GAP43: variants seen among roughly 807,000 people sequenced by gnomAD.
GAP43 encodes neuromodulin.
In GAP43, 6 loss-of-function variants were observed where a neutral mutation model predicts 18.6. That is an observed-to-expected ratio of 0.32 (90% CI 0.18 to 0.64). The LOEUF is 0.64. Among genes scored for constraint, GAP43 ranks in the 30% least tolerant of loss-of-function variants. The pLI, the probability that GAP43 is intolerant of heterozygous loss-of-function variation, is 0.78. For synonymous variants in GAP43, 115 were observed against 111.4 expected (o/e 1.03, Z -0.20); for missense variants, 292 against 295.5 (o/e 0.99, Z 0.09).
chr3:115,711,493 A>C (rs1709437393), intron 2 of GAP43, among the ~76,000 whole-genome samples: 2 of 104,740 alleles, frequency 1.9e-5, no homozygotes, highest in South Asian at 6.0e-4. Context: ...TAAGTTCTAA[A>C]TACACACACA....
Position 115,665,512 on chromosome 3 carries a change from G to A in GAP43, c.31-10501G>A, listed in dbSNP as rs78602262. On this transcript the variant is annotated intron_variant, in intron 1 of 2. Transcript: ENST00000305124. ...TTAAAGGGGATGGCACACTTGCTTA[G>A]CCTTCTTCATTATCATTCTCAGAGG... is the stretch of plus-strand genomic sequence containing the variant. Among the ~76,000 whole-genome samples, 82 of 152,154 alleles carry A rather than the reference G, an allele frequency of 5.4e-4. No individual in the cohort carries two copies. The East Asian group carries it at 0.015, about 28-fold the overall frequency.
intron 2 of GAP43, among the ~76,000 whole-genome samples, chr3:115,697,983 G>C (rs1242686055): frequency 1.4e-3 from 4 of 2,780 alleles, no homozygotes; most frequent in African/African-American, 1.8e-3. Context: ...GAGTACATGT[G>C]CGTGTGTGTG....
At chr3:115,684,708 A>C (rs1055539587) in intron 2 of GAP43, among the ~76,000 whole-genome samples, 7 of 152,206 alleles carry the variant, frequency 4.6e-5, no homozygotes, top group Admixed American at 2.0e-4. Flanking sequence ...TTGTGAACCT[A>C]CAGTGGGTTG....
intron 1 of GAP43, among the ~76,000 whole-genome samples, chr3:115,669,801 A>C (rs1173829729): frequency 2.0e-5 from 3 of 151,908 alleles, no homozygotes; most frequent in Non-Finnish European, 4.4e-5. Context: ...AGTTAACATT[A>C]CTACTGCAGT....
intron 2 of GAP43, among the ~76,000 whole-genome samples, chr3:115,705,820 G>A (rs1039508452): frequency 9.2e-5 from 14 of 152,208 alleles, no homozygotes; most frequent in African/African-American, 3.4e-4. Context: ...AATACACGAG[G>A]TATAATTTTT....
chr3:115,697,882 T>G (rs1273217954), intron 2 of GAP43, among the ~76,000 whole-genome samples: 1 of 149,764 alleles, frequency 6.7e-6, no homozygotes, highest in Non-Finnish European at 1.5e-5. Context: ...TATGTTAAAT[T>G]TGCTTACATA....
intron 2 of GAP43, among the ~76,000 whole-genome samples, chr3:115,718,269 C>G (rs1179378559): frequency 6.6e-6 from 1 of 152,150 alleles, no homozygotes; most frequent in African/African-American, 2.4e-5. Flanking sequence ...CTTCTTGGAA[C>G]TGATAAGGAT....
chr3:115,657,699 C>T (rs1009339021), intron 1 of GAP43, among the ~76,000 whole-genome samples: 14 of 151,932 alleles, frequency 9.2e-5, no homozygotes, highest in African/African-American at 3.1e-4. Flanking sequence ...CAGGCAAAAC[C>T]AATGTAACAT....
At chr3:115,675,943 T>C (rs1708877522) in intron 1 of GAP43, 70 bp from the exon 2 acceptor site, 5 of 1,525,692 alleles carry the variant, frequency 3.3e-6, no homozygotes, top group Non-Finnish European at 4.4e-6. Context: ...TAAATACTTG[T>C]TGAATGCTGA....
chr3:115,711,356 G>C (rs1165484648), intron 2 of GAP43, among the ~76,000 whole-genome samples: 1 of 152,164 alleles, frequency 6.6e-6, no homozygotes, highest in African/African-American at 2.4e-5. Flanking sequence ...CACTGCAACT[G>C]TGATAATGAC....
chr3:115,649,547 G>A (rs1308259471), intron 1 of GAP43, among the ~76,000 whole-genome samples: 1 of 152,032 alleles, frequency 6.6e-6, no homozygotes, highest in Non-Finnish European at 1.5e-5. Flanking sequence ...GTAAAGAAGG[G>A]ATAAGTTCAA....
intron 1 of GAP43, 35 bp downstream of exon 1, chr3:115,623,754 G>T (rs1708144418): frequency 6.2e-7 from 1 of 1,612,442 alleles, no homozygotes; most frequent in East Asian, 2.2e-5. Flanking sequence ...TTGCTGTTGT[G>T]AAATAACCCG....
In GAP43 at chr3:115,691,027, T is replaced by C. The variant is rs566584234; in HGVS notation, c.628+14417T>C. On this transcript the variant is annotated intron_variant, in intron 2 of 2. Coordinates refer to ENST00000305124, the MANE Select transcript of GAP43 (RefSeq NM_002045.4). Reference sequence around the variant, plus strand: ...GCCTCGGCCTCCCAAAATCCTGGGATTACAGGCATGAGCCACTGCGCCTGG... The same window carrying C: ...GCCTCGGCCTCCCAAAATCCTGGGACTACAGGCATGAGCCACTGCGCCTGG... Among the ~76,000 whole-genome samples, 118 of 151,936 alleles carry C rather than the reference T, an allele frequency of 7.8e-4. 1 individual carries two copies. Among genetic ancestry groups the C allele is most frequent in the Admixed American group, 2.8e-3 (43 of 15,284 alleles).
At chr3:115,634,090 G>A (rs574794715) in intron 1 of GAP43, among the ~76,000 whole-genome samples, 4 of 152,182 alleles carry the variant, frequency 2.6e-5, no homozygotes, top group African/African-American at 9.6e-5. Flanking sequence ...ATTCAAAAAT[G>A]TTATTTTAAA....
intron 2 of GAP43, among the ~76,000 whole-genome samples, chr3:115,704,452 T>C (rs1300442556): frequency 6.6e-6 from 1 of 152,120 alleles, no homozygotes; most frequent in East Asian, 1.9e-4. Context: ...TCTCCACTTA[T>C]TTTCTTTCTG....
At chr3:115,623,963 AT>A (rs370210677) in intron 1 of GAP43, among the ~76,000 whole-genome samples, 10,046 of 148,774 alleles carry the variant, frequency 0.068, 385 homozygotes, top group African/African-American at 0.084. Flanking sequence ...GCTAGAAATA[AT>A]TTTTTTTTTT....
At chr3:115,690,753 C>CT (rs1709100085) in intron 2 of GAP43, among the ~76,000 whole-genome samples, 4 of 119,736 alleles carry the variant, frequency 3.3e-5, no homozygotes, top group African/African-American at 6.3e-5. Flanking sequence ...TTTTTTCTTT[C>CT]TTTCTTTTTT....
chr3:115,669,723 A>G (rs1255126488), intron 1 of GAP43, among the ~76,000 whole-genome samples: 1 of 152,212 alleles, frequency 6.6e-6, no homozygotes, highest in Non-Finnish European at 1.5e-5. Flanking sequence ...TGGGCTGTAC[A>G]TGTTGAATAA....
intron 2 of GAP43, among the ~76,000 whole-genome samples, chr3:115,697,256 C>T (rs1709206517): frequency 6.6e-6 from 1 of 151,950 alleles, no homozygotes; most frequent in African/African-American, 2.4e-5. Context: ...TTATTTCGTA[C>T]ACTGTGGTAT....
Sources: gnomAD v4.1 joint callset for allele counts (sites outside exome capture counted in the v4.1 genomes callset) on GRCh38, gnomAD v4.1.1 for gene constraint, MANE v1.5 for transcripts, NCBI Gene and HGNC (gene_info 2026-07-23, HGNC 2026-07-21) for gene names.